The following CCDC148 variants were observed in gnomAD, a reference collection of about 807,000 sequenced individuals.
The protein encoded by CCDC148 is coiled-coil domain containing 148, also known as coiled-coil domain-containing protein 148.
A neutral mutation model predicts 85.7 loss-of-function variants in CCDC148; 89 were observed. That is an observed-to-expected ratio of 1.04 (90% confidence interval 0.87 to 1.24). The LOEUF (loss-of-function observed/expected upper bound fraction) is 1.24, where lower values mean the gene tolerates loss of function less well. Ranked by LOEUF, CCDC148 falls within the 50% of genes most tolerant of loss-of-function variation. The probability of loss-of-function intolerance (pLI) is 0.00; values close to 1 mark genes in which losing one functional copy is unlikely to be tolerated. For missense variants in CCDC148, 692 were observed against 671.7 expected, an observed-to-expected ratio of 1.03 and a Z score of -0.33; for synonymous variants, 230 against 213.9, an observed-to-expected ratio of 1.08 and a Z score of -0.66.
At chr2:158,439,569 T>C (rs548484030) in intron 1 of CCDC148, among the ~76,000 whole-genome samples, 1 of 152,134 alleles carries the variant, frequency 6.6e-6, no homozygotes, top group Admixed American at 6.5e-5. Context: ...GGCACATGTA[T>C]ACATATGTAA....
At chr2:158,328,166 C>T (rs367782908) in intron 7 of CCDC148, among the ~76,000 whole-genome samples, 36 of 152,188 alleles carry the variant, frequency 2.4e-4, no homozygotes, top group Admixed American at 1.3e-3. Flanking sequence ...CCCTCCCCTC[C>T]GCCCACCCCA....
intron 7 of CCDC148, among the ~76,000 whole-genome samples, chr2:158,326,143 T>C (rs1038974750): frequency 1.3e-5 from 2 of 152,140 alleles, no homozygotes; most frequent in African/African-American, 4.8e-5. Context: ...TCTACTACTC[T>C]CCAGATCTGT....
In CCDC148 at chr2:158,176,400, T is replaced by C. The variant is rs569235265; in HGVS notation, c.1629+121A>G. The C allele has an allele frequency of 5.0e-4, 459 of 909,674 alleles. 5 individuals are homozygous for C. The highest frequency in any genetic ancestry group is 2.4e-4 in the Middle Eastern group (1 of 4,158). The allele number at this position is 909,674 out of a possible 1,614,324, so 56.4% of individuals were successfully genotyped here. Reference sequence around the variant, plus strand: ...TACTATCATTTAGAAGTAAAAATTATGCTAATATGTAAGATATTCAAATGT... The same window carrying C: ...TACTATCATTTAGAAGTAAAAATTACGCTAATATGTAAGATATTCAAATGT... On this transcript the variant is annotated intron_variant, in intron 13 of 13. Coordinates refer to ENST00000283233, the MANE Select transcript of CCDC148 (RefSeq NM_138803.4).
chr2:158,357,053 C>T (rs10202592), intron 2 of CCDC148, among the ~76,000 whole-genome samples: 3 of 144,910 alleles, frequency 2.1e-5, no homozygotes, highest in African/African-American at 7.8e-5. Context: ...GACACAGGAA[C>T]GGGAATATCA....
intron 8 of CCDC148, among the ~76,000 whole-genome samples, chr2:158,311,695 C>T (rs1692027223): frequency 6.6e-6 from 1 of 152,138 alleles, no homozygotes; most frequent in Admixed American, 6.5e-5. Flanking sequence ...AGACAAAATG[C>T]TAATAAACAT....
chr2:158,225,570 G>C (rs546396983), intron 10 of CCDC148, among the ~76,000 whole-genome samples: 12 of 152,160 alleles, frequency 7.9e-5, no homozygotes, highest in Non-Finnish European at 1.5e-4. Flanking sequence ...GCACTCCTCA[G>C]CAAATGTAAA....
chr2:158,296,409 AT>A (rs1475623401), intron 9 of CCDC148, among the ~76,000 whole-genome samples: 1 of 151,752 alleles, frequency 6.6e-6, no homozygotes, highest in Non-Finnish European at 1.5e-5. Flanking sequence ...TGGACTCTCT[AT>A]TCTGTTCCAC....
At chr2:158,264,498 C>T (rs1056550628) in intron 9 of CCDC148, among the ~76,000 whole-genome samples, 2 of 152,050 alleles carry the variant, frequency 1.3e-5, no homozygotes, top group Non-Finnish European at 2.9e-5. Flanking sequence ...AAATATAGTG[C>T]ATGTTGATAT....
intron 11 of CCDC148, among the ~76,000 whole-genome samples, chr2:158,212,547 T>A (rs1403762135): frequency 6.6e-6 from 1 of 152,090 alleles, no homozygotes; most frequent in East Asian, 1.9e-4. Context: ...CAAGGCCAAT[T>A]TAGTGTTAGA....
At chr2:158,192,182 T>C (rs926838059) in intron 11 of CCDC148, among the ~76,000 whole-genome samples, 3 of 152,078 alleles carry the variant, frequency 2.0e-5, no homozygotes, top group African/African-American at 7.2e-5. Flanking sequence ...TCGCCAGCTT[T>C]ATTCAAGTAT....
At chr2:158,197,400 T>A (rs996360152) in intron 11 of CCDC148, among the ~76,000 whole-genome samples, 4 of 152,156 alleles carry the variant, frequency 2.6e-5, no homozygotes, top group African/African-American at 9.7e-5. Flanking sequence ...CAAACAGATA[T>A]GGACTCTGGC....
At chr2:158,277,376 T>C (rs6720142) in intron 9 of CCDC148, among the ~76,000 whole-genome samples, 62,010 of 151,984 alleles carry the variant, frequency 0.41, 13,278 homozygotes, top group South Asian at 0.61. Context: ...TCACACCTAC[T>C]GAGAATGTTC....
intron 1 of CCDC148, among the ~76,000 whole-genome samples, chr2:158,389,200 G>A (rs11684441): frequency 0.23 from 35,210 of 152,006 alleles, 4,308 homozygotes; most frequent in Middle Eastern, 0.28. Flanking sequence ...TATGTTGGTG[G>A]TCCCCAATAT....
chr2:158,435,835 T>C (rs527484699), intron 1 of CCDC148, among the ~76,000 whole-genome samples: 1 of 152,154 alleles, frequency 6.6e-6, no homozygotes, highest in South Asian at 2.1e-4. Flanking sequence ...TCCTAGTCTC[T>C]GATAAAACAG....
chr2:158,418,008 T>G (rs1416252513), intron 1 of CCDC148, among the ~76,000 whole-genome samples: 1 of 152,068 alleles, frequency 6.6e-6, no homozygotes, highest in African/African-American at 2.4e-5. Flanking sequence ...TAAATACTTG[T>G]TAAATTATAG....
At chr2:158,226,525 T>A (rs533577991) in intron 10 of CCDC148, among the ~76,000 whole-genome samples, 2 of 152,106 alleles carry the variant, frequency 1.3e-5, no homozygotes, top group East Asian at 1.9e-4. Flanking sequence ...TAGACCAATA[T>A]CCCTGATGAA....
At chr2:158,423,221 A>G (rs1240575429) in intron 1 of CCDC148, among the ~76,000 whole-genome samples, 1 of 152,156 alleles carries the variant, frequency 6.6e-6, no homozygotes, top group Non-Finnish European at 1.5e-5. Context: ...ACAGAATTGG[A>G]AAAAACTACT....
rs563673348 is a variant in CCDC148 at position 158,293,447 on chromosome 2, A to T, written c.1110+15986T>A. ...TTGTTTCTAAAGCAAAGTTTCATTT[A>T]TTTATTCCACAAATATTTGGCAATC... On this transcript the variant is annotated intron_variant, in intron 9 of 13. Coordinates refer to ENST00000283233, the MANE Select transcript of CCDC148 (RefSeq NM_138803.4). Among the ~76,000 whole-genome samples, 9 of 152,348 alleles carry T rather than the reference A, an allele frequency of 5.9e-5. No homozygotes were observed. In the East Asian group the frequency reaches 1.7e-3, roughly 29 times the overall value.
At chr2:158,240,614 C>T (rs1017875352) in intron 10 of CCDC148, among the ~76,000 whole-genome samples, 1 of 152,038 alleles carries the variant, frequency 6.6e-6, no homozygotes, top group Admixed American at 6.6e-5. Context: ...TCACAGGGAC[C>T]TCTCTGCTAT....
Sources: allele counts gnomAD v4.1 joint callset (sites outside exome capture counted in the v4.1 genomes callset), GRCh38; gene constraint gnomAD v4.1.1; transcripts MANE v1.5; gene names NCBI Gene and HGNC (gene_info 2026-07-23, HGNC 2026-07-21).